The following AFF3 variants were observed in gnomAD, a reference collection of about 807,000 sequenced individuals.
AFF3 encodes the protein ALF transcription elongation factor 3.
In AFF3, 32 loss-of-function variants were observed where a neutral mutation model predicts 129.7. The ratio of observed to expected loss-of-function variants is 0.25; its 90% CI spans 0.19 to 0.33. The LOEUF is 0.33. Ranked by LOEUF, AFF3 falls within the 10% of genes least tolerant of loss-of-function variation. The pLI is 1.00. For synonymous variants in AFF3, 644 were observed against 635.4 expected (o/e 1.01, Z -0.20); for missense variants, 1,373 against 1,592.0 (o/e 0.86, Z 2.34).
chr2:99,873,199 A>G (rs1692012533), intron 7 of AFF3, among the ~76,000 whole-genome samples: 1 of 152,232 alleles, frequency 6.6e-6, no homozygotes, highest in South Asian at 2.1e-4. Flanking sequence ...AAAATTGGTA[A>G]CGTTTGTTAC....
chr2:99,959,939 C>T (rs1373430880), intron 7 of AFF3, among the ~76,000 whole-genome samples: 1 of 151,978 alleles, frequency 6.6e-6, no homozygotes, highest in Non-Finnish European at 1.5e-5. Flanking sequence ...GATATTTTAA[C>T]AGTAACCTAA....
intron 7 of AFF3, among the ~76,000 whole-genome samples, chr2:99,983,688 T>C (rs1042376609): frequency 3.9e-5 from 6 of 152,154 alleles, no homozygotes; most frequent in African/African-American, 1.4e-4. Context: ...CACTTTTCCC[T>C]GAATTCTCTG....
rs150588476 is a variant in AFF3 at position 99,908,018 on chromosome 2, T to C, written c.874-70494A>G. Among the ~76,000 whole-genome samples, 403 of 152,292 alleles carry C rather than the reference T, an allele frequency of 2.6e-3. 5 individuals are homozygous for C. Among genetic ancestry groups the C allele is most frequent in the African/African-American group, 9.2e-3 (384 of 41,570 alleles). On this transcript the variant is annotated intron_variant, in intron 7 of 24. Transcript: ENST00000672756. Reference sequence around the variant, plus strand: ...CTGGTCTTTAACAAAACTGTCTGCCTGATGCTTGTTTCCATTCAGGTGGCT... The same window carrying C: ...CTGGTCTTTAACAAAACTGTCTGCCCGATGCTTGTTTCCATTCAGGTGGCT...
chr2:99,823,751 C>T (rs1687863559), intron 8 of AFF3, among the ~76,000 whole-genome samples: 1 of 152,204 alleles, frequency 6.6e-6, no homozygotes, highest in Non-Finnish European at 1.5e-5. Context: ...CACGTGTACA[C>T]CATGGAATAC....
At chr2:100,062,577 A>T (rs1687379327) in intron 4 of AFF3, among the ~76,000 whole-genome samples, 1 of 152,082 alleles carries the variant, frequency 6.6e-6, no homozygotes, top group Admixed American at 6.5e-5. Context: ...GGGTGGGGGA[A>T]CTAAACTAAA....
chr2:100,134,532 A>T (rs1479013983), intron 1 of AFF3, among the ~76,000 whole-genome samples: 1 of 152,132 alleles, frequency 6.6e-6, no homozygotes, highest in Non-Finnish European at 1.5e-5. Context: ...TTTCATTTAT[A>T]CTTTATTTAT....
At chr2:99,919,126 C>A (rs1435284405) in intron 7 of AFF3, among the ~76,000 whole-genome samples, 3 of 152,148 alleles carry the variant, frequency 2.0e-5, no homozygotes, top group African/African-American at 7.2e-5. Context: ...AATCATCTCC[C>A]TCCACTGCAA....
intron 8 of AFF3, among the ~76,000 whole-genome samples, chr2:99,822,372 A>T (rs2105694146): frequency 6.6e-6 from 1 of 152,128 alleles, no homozygotes; most frequent in Non-Finnish European, 1.5e-5. Flanking sequence ...AGGTGGAGGC[A>T]CACATTAAAA....
intron 8 of AFF3, among the ~76,000 whole-genome samples, chr2:99,785,098 C>T (rs75137211): frequency 0.012 from 1,870 of 152,186 alleles, 44 homozygotes; most frequent in African/African-American, 0.043. Flanking sequence ...GCTTGTGTCC[C>T]GGTAGCCAGG....
At chr2:99,928,332 T>A (rs1244663258) in intron 7 of AFF3, among the ~76,000 whole-genome samples, 1 of 152,156 alleles carries the variant, frequency 6.6e-6, no homozygotes. Flanking sequence ...TGTAAGTTTT[T>A]AAAATATATA....
rs1445612085 is a variant in AFF3, at chr2:99,582,888, T to A, written c.2703A>T (p.Arg901=). 4 of 1,614,174 alleles carry A rather than the reference T, an allele frequency of 2.5e-6. No individual in the cohort carries two copies. The South Asian group carries it at 4.4e-5, about 18-fold the overall frequency. The change falls in exon 17 of 25, where the codon CGA becomes CGT. Residue 901 remains arginine (R), a synonymous_variant. Transcript: ENST00000672756. ...AAGTAAACAAACTGTTGCCATTAGG[T>A]CGGCTGGAAGAAGTTAAGTCCTCGC... The part of the protein sequence containing the change: ...YTSEDLTSSS[R]PNGNSLFTSA...
intron 11 of AFF3, among the ~76,000 whole-genome samples, chr2:99,696,452 A>T (rs1373085175): frequency 1.3e-5 from 2 of 152,196 alleles, no homozygotes; most frequent in Admixed American, 1.3e-4. Context: ...CAGGGTGTGC[A>T]TCGGCATCCT....
chr2:99,752,191 A>G (rs538865351), intron 9 of AFF3, 30 bp downstream of exon 9: 1 of 1,574,194 alleles, frequency 6.4e-7, no homozygotes, highest in South Asian at 1.1e-5. Context: ...TGAGTGAAAC[A>G]TATTCCTCCT....
chr2:99,715,256 T>A (rs190531616), intron 11 of AFF3, among the ~76,000 whole-genome samples: 6 of 152,348 alleles, frequency 3.9e-5, no homozygotes, highest in African/African-American at 1.4e-4. Context: ...ATTTTTGTTT[T>A]TACCACCCTT....
At chr2:99,927,768 C>G (rs924685350) in intron 7 of AFF3, among the ~76,000 whole-genome samples, 4 of 152,090 alleles carry the variant, frequency 2.6e-5, no homozygotes, top group Non-Finnish European at 4.4e-5. Context: ...ACTAAGTGTC[C>G]TAATCAGAGA....
At position 100,132,183 on chromosome 2, in the gene AFF3, T is replaced by C. The variant is rs554079209; in HGVS notation, c.-227-2877A>G. On this transcript the variant is annotated intron_variant, in intron 1 of 24. Coordinates refer to ENST00000672756, the MANE Select transcript of AFF3 (RefSeq NM_001386135.1). ...GATCCATCGTACAGCATGGTGACTA[T>C]ACTTAAGAACAATGTGTTATATGCT... Among the ~76,000 whole-genome samples the C allele has an allele frequency of 1.1e-3, 168 of 152,334 alleles. 6 individuals are homozygous for C. The highest frequency in any genetic ancestry group is 9.3e-4 in the Non-Finnish European group (63 of 68,036).
chr2:100,076,402 A>G (rs529674880), intron 4 of AFF3, among the ~76,000 whole-genome samples: 18 of 152,306 alleles, frequency 1.2e-4, no homozygotes, highest in Admixed American at 1.1e-3. Context: ...GGGCTTTAAA[A>G]AAGCCTCGAT....
chr2:99,809,386 T>A (rs1405960353), intron 8 of AFF3, among the ~76,000 whole-genome samples: 1 of 152,108 alleles, frequency 6.6e-6, no homozygotes, highest in East Asian at 1.9e-4. Flanking sequence ...CCTCTGGCAG[T>A]GGGGAGGGGG....
rs371178462 is a variant in AFF3, at chr2:99,554,387, G to A, written c.3483C>T (p.His1161=). Residue 1161 remains histidine, a synonymous_variant, in exon 24 of 25, where the codon CAC becomes CAT. Transcript: ENST00000672756. The part of the protein sequence containing the change: ...PQRIHQMAAN[H]VSITNSILHS... ...GCAGGATGCTGTTGGTGATGCTGAC[G>A]TGGTTGGCCGCCATCTGGTGGATGC... The A allele has an allele frequency of 7.4e-6, 12 of 1,614,092 alleles. No homozygotes were observed. The highest frequency in any genetic ancestry group is 1.6e-4 in the Middle Eastern group (1 of 6,084).
Sources: allele counts gnomAD v4.1 joint callset (sites outside exome capture counted in the v4.1 genomes callset), GRCh38; gene constraint gnomAD v4.1.1; transcripts MANE v1.5; gene names NCBI Gene and HGNC (gene_info 2026-07-23, HGNC 2026-07-21).